The following LGR4 variants were observed in gnomAD, a reference collection of about 807,000 sequenced individuals.
The protein encoded by LGR4 is leucine-rich repeat-containing G protein-coupled receptor 4.
A neutral mutation model predicts 84.8 loss-of-function variants in LGR4; 44 were observed. The ratio of observed to expected loss-of-function variants is 0.52; its 90% confidence interval spans 0.41 to 0.67. The LOEUF (loss-of-function observed/expected upper bound fraction) is 0.67. Ranked by LOEUF, LGR4 falls within the 30% of genes least tolerant of loss-of-function variation. The pLI is 0.00. For synonymous variants in LGR4, 429 were observed against 434.3 expected (o/e 0.99, Z 0.15); for missense variants, 1,032 against 1,131.4 (o/e 0.91, Z 1.26).
intron 1 of LGR4, among the ~76,000 whole-genome samples, chr11:27,451,612 A>G (rs1172026002): frequency 6.6e-6 from 1 of 152,244 alleles, no homozygotes; most frequent in Non-Finnish European, 1.5e-5. Flanking sequence ...AATCTAGACT[A>G]TTGTTGCTTA....
chr11:27,380,817 C>T, intron 8 of LGR4, 78 bp downstream of exon 8: 1 of 1,182,356 alleles, frequency 8.5e-7, no homozygotes, highest in Admixed American at 1.8e-5. Flanking sequence ...ACTTCTCATT[C>T]TTTATCAGGG....
intron 1 of LGR4, among the ~76,000 whole-genome samples, chr11:27,460,635 G>A (rs1390762130): frequency 6.6e-6 from 1 of 152,206 alleles, no homozygotes; most frequent in Non-Finnish European, 1.5e-5. Context: ...AACACAGTTT[G>A]ATTACTAACA....
intron 2 of LGR4, among the ~76,000 whole-genome samples, chr11:27,405,139 CTT>C (rs1187630371): frequency 6.6e-6 from 1 of 152,216 alleles, no homozygotes; most frequent in African/African-American, 2.4e-5. Context: ...CCCAAAGTCA[CTT>C]TCAACAACTT....
chr11:27,401,945 C>A (rs1482332707), intron 2 of LGR4, among the ~76,000 whole-genome samples: 1 of 152,130 alleles, frequency 6.6e-6, no homozygotes, highest in African/African-American at 2.4e-5. Flanking sequence ...GTAGAGAGTG[C>A]AAGAGGGGCT....
chr11:27,462,490 T>A (rs572346699), intron 1 of LGR4, among the ~76,000 whole-genome samples: 1 of 152,268 alleles, frequency 6.6e-6, no homozygotes. Context: ...TCTACCAGGG[T>A]CTTCATGGAT....
intron 17 of LGR4, among the ~76,000 whole-genome samples, chr11:27,369,741 T>C (rs1565067908): frequency 6.6e-6 from 1 of 152,106 alleles, no homozygotes; most frequent in African/African-American, 2.4e-5. Flanking sequence ...TTTATAATCA[T>C]GTATGTATAT....
chr11:27,408,200 C>T (rs1863648497), intron 2 of LGR4, among the ~76,000 whole-genome samples: 1 of 151,890 alleles, frequency 6.6e-6, no homozygotes, highest in South Asian at 2.1e-4. Flanking sequence ...GATTTTAAAC[C>T]TTTCTGTTTA....
At chr11:27,431,557 C>A (rs985281252) in intron 1 of LGR4, among the ~76,000 whole-genome samples, 1 of 152,192 alleles carries the variant, frequency 6.6e-6, no homozygotes, top group African/African-American at 2.4e-5. Context: ...ACACCATGGA[C>A]GTTTAAATGG....
intron 1 of LGR4, among the ~76,000 whole-genome samples, chr11:27,466,950 A>AT (rs890004040): frequency 7.9e-5 from 12 of 151,144 alleles, no homozygotes; most frequent in African/African-American, 2.4e-4. Flanking sequence ...CGCCCGGCTA[A>AT]TTTTTTTTTA....
At chr11:27,425,645 A>G (rs1340377024) in intron 1 of LGR4, among the ~76,000 whole-genome samples, 1 of 152,036 alleles carries the variant, frequency 6.6e-6, no homozygotes, top group African/African-American at 2.4e-5. Context: ...TTAATAGTAC[A>G]CCCTTTCACT....
At chr11:27,423,571 A>T (rs1294516023) in intron 1 of LGR4, among the ~76,000 whole-genome samples, 1 of 152,234 alleles carries the variant, frequency 6.6e-6, no homozygotes, top group Non-Finnish European at 1.5e-5. Flanking sequence ...GTTTCTATTA[A>T]CTGTAAGACA....
intron 1 of LGR4, among the ~76,000 whole-genome samples, chr11:27,435,888 C>G (rs1480830384): frequency 1.3e-5 from 2 of 151,712 alleles, no homozygotes; most frequent in Non-Finnish European, 2.9e-5. Context: ...TCGCTATTCT[C>G]ATTTTACAGA....
At chr11:27,448,655 C>T (rs1348614411) in intron 1 of LGR4, among the ~76,000 whole-genome samples, 1 of 152,158 alleles carries the variant, frequency 6.6e-6, no homozygotes, top group South Asian at 2.1e-4. Flanking sequence ...CATTTGTTCA[C>T]AATCCAAATT....
rs1863305487 is a variant in LGR4, at chr11:27,392,535, A to G, written c.258-17T>C. On this transcript the variant is annotated splice_polypyrimidine_tract_variant and intron_variant, in intron 2 of 17. Transcript: ENST00000379214. ...GCCAATTGTCTAGAGAAAAAAAAAA[A>G]AAAAGTAGCAAGAAAAAAATAGTAA... 4 of 1,556,854 alleles carry G rather than the reference A, an allele frequency of 2.6e-6. No individual in the cohort carries two copies. The highest frequency in any genetic ancestry group is 1.2e-5 in the South Asian group (1 of 81,376).
chr11:27,440,908 G>T (rs1181880486), intron 1 of LGR4, among the ~76,000 whole-genome samples: 1 of 152,202 alleles, frequency 6.6e-6, no homozygotes, highest in Non-Finnish European at 1.5e-5. Flanking sequence ...GTTTTACACA[G>T]CCCTCCTGGT....
chr11:27,389,902 CT>C (rs1434923501), intron 4 of LGR4, among the ~76,000 whole-genome samples: 2 of 152,060 alleles, frequency 1.3e-5, no homozygotes, highest in Non-Finnish European at 2.9e-5. Flanking sequence ...AAAACAAATC[CT>C]TATGTTCCAT....
chr11:27,447,125 G>A (rs963510655), intron 1 of LGR4, among the ~76,000 whole-genome samples: 1 of 151,986 alleles, frequency 6.6e-6, no homozygotes, highest in Admixed American at 6.6e-5. Flanking sequence ...CATGGCACAT[G>A]TATACATATG....
intron 4 of LGR4, among the ~76,000 whole-genome samples, chr11:27,387,025 T>C (rs1020938214): frequency 4.6e-5 from 7 of 152,168 alleles, no homozygotes; most frequent in African/African-American, 1.7e-4. Flanking sequence ...TTCAAACATG[T>C]GTGCACACAC....
At chr11:27,430,138 T>G (rs1461036790) in intron 1 of LGR4, among the ~76,000 whole-genome samples, 1 of 152,170 alleles carries the variant, frequency 6.6e-6, no homozygotes, top group East Asian at 1.9e-4. Context: ...ACTATGCATT[T>G]TTTCCCTAGT....
Sources: gnomAD v4.1 joint callset for allele counts (sites outside exome capture counted in the v4.1 genomes callset) on GRCh38, gnomAD v4.1.1 for gene constraint, MANE v1.5 for transcripts, NCBI Gene and HGNC (gene_info 2026-07-23, HGNC 2026-07-21) for gene names.